AMPH: variants seen among roughly 807,000 people sequenced by gnomAD.
The protein encoded by AMPH is amphiphysin, also known as amphiphysin (Stiff-Mann syndrome with breast cancer 128kD autoantigen).
In AMPH, 49 loss-of-function variants were observed where a neutral mutation model predicts 99.1. The ratio of observed to expected loss-of-function variants is 0.49; its 90% CI spans 0.39 to 0.63. AMPH has a LOEUF of 0.63. AMPH is among the 20% of genes least tolerant of loss of function. The pLI is 0.00. For missense variants in AMPH, 759 were observed against 863.4 expected (o/e 0.88, Z 1.52); for synonymous variants, 314 against 317.3 (o/e 0.99, Z 0.11).
chr7:38,561,562 T>C (rs541027234), intron 1 of AMPH, among the ~76,000 whole-genome samples: 46 of 152,294 alleles, frequency 3.0e-4, no homozygotes, highest in African/African-American at 1.1e-3. Context: ...CCACAGAGCT[T>C]CATGACTGGC....
intron 16 of AMPH, among the ~76,000 whole-genome samples, chr7:38,419,774 T>A (rs1785518826): frequency 6.6e-6 from 1 of 151,894 alleles, no homozygotes; most frequent in Non-Finnish European, 1.5e-5. Context: ...GCAAACTGAG[T>A]CTACTCTATG....
chr7:38,553,951 C>A (rs554565449), intron 1 of AMPH, among the ~76,000 whole-genome samples: 2 of 152,330 alleles, frequency 1.3e-5, no homozygotes, highest in African/African-American at 4.8e-5. Flanking sequence ...AGAGCTGGGG[C>A]TCTTTAAGCA....
intron 2 of AMPH, among the ~76,000 whole-genome samples, chr7:38,532,234 G>A (rs1332546730): frequency 6.6e-6 from 1 of 151,812 alleles, no homozygotes; most frequent in Non-Finnish European, 1.5e-5. Flanking sequence ...CAGGGGTAAG[G>A]CACTCTCCTT....
intron 2 of AMPH, among the ~76,000 whole-genome samples, chr7:38,521,197 G>A (rs34394171): frequency 2.0e-5 from 3 of 152,152 alleles, no homozygotes; most frequent in African/African-American, 7.2e-5. Flanking sequence ...AACTACCCCA[G>A]ACAAGAGGTC....
chr7:38,585,660 A>C (rs148250272), intron 1 of AMPH, among the ~76,000 whole-genome samples: 3 of 152,338 alleles, frequency 2.0e-5, no homozygotes, highest in Non-Finnish European at 4.4e-5. Flanking sequence ...CTTTTAATAC[A>C]TGGATCTGTC....
At position 38,565,041 on chromosome 7, in the gene AMPH, G is replaced by A. The variant is rs189962842; in HGVS notation, c.70-30030C>T. ...CGGGAGGCTGAGGCAGGAGAATGGCGTGAACCCGGGAGGCAGAGTTTGCAG... is the reference window on the plus strand; with the variant it reads ...CGGGAGGCTGAGGCAGGAGAATGGCATGAACCCGGGAGGCAGAGTTTGCAG... On this transcript the variant is annotated intron_variant, in intron 1 of 20. Transcript: ENST00000356264. Among the ~76,000 whole-genome samples, 941 of 151,282 alleles carry A rather than the reference G, an allele frequency of 6.2e-3. 11 individuals are homozygous for A. The highest frequency in any genetic ancestry group is 0.024 in the Middle Eastern group (7 of 292).
intron 2 of AMPH, among the ~76,000 whole-genome samples, chr7:38,529,005 T>C (rs141594591): frequency 6.6e-6 from 1 of 152,226 alleles, no homozygotes; most frequent in Non-Finnish European, 1.5e-5. Flanking sequence ...CTTCTATAAT[T>C]TCCCCTATTA....
chr7:38,391,991 T>C lies in AMPH; in HGVS notation c.1635A>G (p.Ile545Met). ...PQEKVIPSVV[I>M]EPASNHEEEG... ...CCTCTTCATGGTTGGAGGCAGGCTCTATGACCACCGAAGGAATGACCTTCT... is the reference window on the plus strand; with the variant it reads ...CCTCTTCATGGTTGGAGGCAGGCTCCATGACCACCGAAGGAATGACCTTCT... The change falls in exon 19 of 21, where the codon ATA (isoleucine) becomes ATG (methionine). Residue 545 changes from isoleucine to methionine, a missense_variant. By Grantham distance (10) the Ile-to-Met change is conservative. This residue lies in a region of AMPH where 554 missense variants were observed against 575.6 expected (regional missense o/e 0.96). Coordinates refer to ENST00000356264, the MANE Select transcript of AMPH (RefSeq NM_001635.4). The C allele has an allele frequency of 6.2e-7, 1 of 1,607,682 alleles. No individual in the cohort carries two copies. Among genetic ancestry groups the C allele is most frequent in the African/African-American group, 1.3e-5 (1 of 75,000 alleles).
chr7:38,462,924 C>G, intron 10 of AMPH, 51 bp downstream of exon 10: 30 of 1,498,700 alleles, frequency 2.0e-5, no homozygotes, highest in Non-Finnish European at 2.5e-5. Context: ...GATGGGGCCA[C>G]CTTCATCTCA....
At chr7:38,396,243 G>A (rs966786553) in intron 17 of AMPH, among the ~76,000 whole-genome samples, 1 of 152,164 alleles carries the variant, frequency 6.6e-6, no homozygotes, top group African/African-American at 2.4e-5. Context: ...CTTGGTGGGA[G>A]ATGATTGAAT....
rs371039409 is a variant in AMPH, at chr7:38,545,685, A to G, written c.70-10674T>C. The stretch of plus-strand genomic sequence containing the variant: ...CGTAACTTTTGAAAAAACATTCTGC[A>G]TAATCTCAGATTGGTAGATGTTCTG... On this transcript the variant is annotated intron_variant, in intron 1 of 20. Coordinates refer to ENST00000356264, the MANE Select transcript of AMPH (RefSeq NM_001635.4). Among the ~76,000 whole-genome samples, 66 of 152,342 alleles carry G rather than the reference A, an allele frequency of 4.3e-4. 1 individual carries two copies. In the South Asian group the frequency reaches 0.013, roughly 30 times the overall value.
intron 11 of AMPH, among the ~76,000 whole-genome samples, chr7:38,457,060 C>T (rs941651255): frequency 1.3e-5 from 2 of 152,258 alleles, no homozygotes; most frequent in Non-Finnish European, 2.9e-5. Context: ...CCAAAATGTC[C>T]GACCCAACCA....
intron 1 of AMPH, among the ~76,000 whole-genome samples, chr7:38,608,855 G>T (rs1793526120): frequency 1.3e-5 from 2 of 152,172 alleles, no homozygotes; most frequent in African/African-American, 4.8e-5. Context: ...CCCACATTAG[G>T]AATATTCCTA....
chr7:38,612,763 T>C (rs1228990974), intron 1 of AMPH, among the ~76,000 whole-genome samples: 1 of 152,176 alleles, frequency 6.6e-6, no homozygotes, highest in African/African-American at 2.4e-5. Context: ...TTTAGAACAC[T>C]TGGGTGTGAC....
chr7:38,559,639 T>C (rs1290178872), intron 1 of AMPH, among the ~76,000 whole-genome samples: 3 of 152,220 alleles, frequency 2.0e-5, no homozygotes, highest in African/African-American at 7.2e-5. Context: ...GCATGCTTTA[T>C]TTCACTTAAG....
intron 17 of AMPH, among the ~76,000 whole-genome samples, chr7:38,407,530 T>C (rs1043839550): frequency 2.6e-5 from 4 of 151,984 alleles, no homozygotes; most frequent in Non-Finnish European, 4.4e-5. Flanking sequence ...ATTTGGGTGA[T>C]GGTTTAATAG....
At chr7:38,406,728 TTCCCTCTCTCTCTCTCTC>T (rs1178544610) in intron 17 of AMPH, among the ~76,000 whole-genome samples, 6 of 53,986 alleles carry the variant, frequency 1.1e-4, no homozygotes, top group Non-Finnish European at 1.9e-4. Context: ...CTCTCTCCCT[TTCCCTCTCTCTCTCTCTC>T]TCTCTCTCTC....
At chr7:38,394,306 G>A in intron 17 of AMPH, 92 bp from the exon 18 acceptor site, 1 of 1,337,418 alleles carries the variant, frequency 7.5e-7, no homozygotes, top group Non-Finnish European at 1.0e-6. Flanking sequence ...CCCCTCTGTG[G>A]AGGCTATTCA....
intron 1 of AMPH, among the ~76,000 whole-genome samples, chr7:38,557,044 G>C (rs890127846): frequency 6.6e-6 from 1 of 152,186 alleles, no homozygotes; most frequent in African/African-American, 2.4e-5. Flanking sequence ...AAGAGCAACA[G>C]GGATCCCTTG....
Sources: gnomAD v4.1 joint callset for allele counts (sites outside exome capture counted in the v4.1 genomes callset) on GRCh38, gnomAD v4.1.1 for gene constraint, gnomAD v4.1.1 regional missense constraint, MANE v1.5 for transcripts, NCBI Gene and HGNC (gene_info 2026-07-23, HGNC 2026-07-21) for gene names.